Variants in GTPBP6 observed in about 807,000 individuals in gnomAD.
GTPBP6 encodes the protein putative GTP-binding protein 6.
Under a neutral mutation model 28.9 loss-of-function variants are expected in GTPBP6, and 33 were observed. The observed-to-expected ratio is 1.14, with a 90% CI of 0.87 to 1.53. The LOEUF is 1.53. Ranked by LOEUF, GTPBP6 falls within the 40% of genes most tolerant of loss-of-function variation. The pLI is 0.00. For synonymous variants in GTPBP6, 231 were observed against 192.7 expected (o/e 1.20, Z -1.65); for missense variants, 507 against 408.3 (o/e 1.24, Z -2.08).
intron 7 of GTPBP6, among the ~76,000 whole-genome samples, chrX:310,866 G>A (rs187704305): frequency 1.4e-4 from 21 of 152,126 alleles, no homozygotes; most frequent in Middle Eastern, 3.4e-3. Flanking sequence ...CCAGGGTCTC[G>A]GTGTTCATCG....
At chrX:317,116 G>T in intron 1 of GTPBP6, 65 bp from the exon 2 acceptor site, 1 of 393,448 alleles carries the variant, frequency 2.5e-6, no homozygotes. Context: ...ACACCTGCCC[G>T]GGGAGGCCTC....
chrX:307,071 G>C (rs1267148561), intron 9 of GTPBP6, among the ~76,000 whole-genome samples: 1 of 151,446 alleles, frequency 6.6e-6, no homozygotes, highest in Non-Finnish European at 1.5e-5. Flanking sequence ...GCACAGATTA[G>C]GCACCCGTTG....
chrX:314,555 C>T (rs1319417312), intron 4 of GTPBP6, among the ~76,000 whole-genome samples: 1 of 151,950 alleles, frequency 6.6e-6, no homozygotes, highest in African/African-American at 2.4e-5. Flanking sequence ...TCACTGCAAG[C>T]TCCACCTCTG....
intron 9 of GTPBP6, among the ~76,000 whole-genome samples, chrX:306,184 T>C (rs1278315631): frequency 1.3e-5 from 2 of 152,120 alleles, no homozygotes; most frequent in Non-Finnish European, 2.9e-5. Context: ...TAGGCACCTG[T>C]TGTATGCAGT....
rs1452780990 is a variant in GTPBP6, at chrX:309,995, T to A, written c.1125+1424A>T. Among the ~76,000 whole-genome samples, 64 of 135,022 alleles carry A rather than the reference T, an allele frequency of 4.7e-4. 1 individual carries two copies. The highest frequency in any genetic ancestry group is 1.9e-3 in the African/African-American group (61 of 32,626). 88.6% of individuals were successfully genotyped at this position (135,022 alleles called of 152,430 possible). ...CAGACAGAGGCAGAGACTGGAGTGA[T>A]GCGGCCACAAGCCCAGGGACGCCTG... On this transcript the variant is annotated intron_variant, in intron 7 of 9. Transcript: ENST00000326153.
rs7191247 is a variant in GTPBP6, at chrX:314,697, C to A, written c.689+193G>T. Among the ~76,000 whole-genome samples, 4 of 151,976 alleles carry A rather than the reference C, an allele frequency of 2.6e-5. 1 individual carries two copies. Among genetic ancestry groups the A allele is most frequent in the African/African-American group, 9.7e-5 (4 of 41,446 alleles). ...TTCACCGTGTTGGCCAGGATGGTCT[C>A]GATCTCGTGACCTCGTGATCCGCCC... is the stretch of plus-strand genomic sequence containing the variant. On this transcript the variant is annotated intron_variant, in intron 4 of 9. Transcript: ENST00000326153.
intron 7 of GTPBP6, among the ~76,000 whole-genome samples, chrX:309,008 A>T (rs2070230727): frequency 6.6e-6 from 1 of 152,152 alleles, no homozygotes; most frequent in Non-Finnish European, 1.5e-5. Flanking sequence ...TGCAGGCGTG[A>T]GCCACCACAC....
chrX:312,693 T>G (rs775222225), intron 6 of GTPBP6, 73 bp downstream of exon 6: 2 of 1,453,580 alleles, frequency 1.4e-6, no homozygotes, highest in Non-Finnish European at 1.9e-6. Flanking sequence ...AGGGACCCCC[T>G]GCCCTCCCCC....
intron 9 of GTPBP6, among the ~76,000 whole-genome samples, chrX:306,769 G>T (rs28407364): frequency 1.4e-5 from 2 of 146,810 alleles, no homozygotes; most frequent in South Asian, 4.4e-4. Flanking sequence ...CTGTTGTATG[G>T]TCAGAAATGT....
chrX:315,870 T>C (rs1282484659), intron 2 of GTPBP6, among the ~76,000 whole-genome samples: 301 of 1,872 alleles, frequency 0.16, 140 homozygotes, highest in African/African-American at 0.38. Flanking sequence ...CACATACACA[T>C]GCAGACACAC....
chrX:309,956 AGAG>A, intron 7 of GTPBP6, among the ~76,000 whole-genome samples: 1 of 142,216 alleles, frequency 7.0e-6, no homozygotes, highest in Non-Finnish European at 1.5e-5. Context: ...ACACAGACAC[AGAG>A]AAGAAGGCCA....
chrX:316,850 A>C, intron 2 of GTPBP6, 64 bp downstream of exon 2: 1 of 398,696 alleles, frequency 2.5e-6, no homozygotes. Context: ...TCTCGGTTGG[A>C]TGTTTTCGGT....
At chrX:317,955 G>A (rs2070471495) in intron 1 of GTPBP6, among the ~76,000 whole-genome samples, 1 of 61,388 alleles carries the variant, frequency 1.6e-5, no homozygotes, top group Admixed American at 2.2e-4. Context: ...CCCCGCCCCC[G>A]CATCACCATC....
chrX:308,022 G>C (rs975887875), intron 7 of GTPBP6, 142 bp from the exon 8 acceptor site: 2 of 643,494 alleles, frequency 3.1e-6, no homozygotes, highest in African/African-American at 3.8e-5. Flanking sequence ...AGGCCCCTCG[G>C]ACACCCCAGG....
At position 312,845 on chromosome X, in the gene GTPBP6, G is replaced by A. The variant is rs769257361; in HGVS notation, c.837C>T (p.Arg279=). 29 of 1,612,886 alleles carry A rather than the reference G, an allele frequency of 1.8e-5. No individual in the cohort carries two copies. The South Asian group carries it at 3.0e-4, about 16-fold the overall frequency. Reference sequence around the variant, plus strand: ...GCCGGCGGAGCAGGTGCCTCTTCTTGCGAAGCCTGTCCAAGGCCTTCCTGA... The same window carrying A: ...GCCGGCGGAGCAGGTGCCTCTTCTTACGAAGCCTGTCCAAGGCCTTCCTGA... The change falls in exon 6 of 10, where the codon CGC becomes CGT. Residue 279 remains arginine, a synonymous_variant. Coordinates refer to ENST00000326153, the Ensembl canonical transcript of GTPBP6.
chrX:316,905 CG>C lies in GTPBP6; in HGVS notation c.487+8del, dbSNP rs1204091185. 5.0e-6 allele frequency: 2 copies of C among 398,512 alleles called. No individual in the cohort carries two copies. The highest frequency in any genetic ancestry group is 4.1e-5 in the African/African-American group (2 of 48,612). 24.7% of individuals were successfully genotyped at this position (398,512 alleles called of 1,614,324 possible). A position where few individuals can be genotyped will look rare whatever the true frequency, so the allele number is the denominator to read the frequency against. ...GGTTTGGGGAAGGAGCAGGTCTGGA[CG>C]GACCCACCTGTCAGGTGCTCAAAGT... On this transcript the variant is annotated splice_region_variant and intron_variant, in intron 2 of 9. Coordinates refer to ENST00000326153, the Ensembl canonical transcript of GTPBP6.
intron 1 of GTPBP6, among the ~76,000 whole-genome samples, 161 bp downstream of exon 1, chrX:318,276 CTA>C (rs1430545967): frequency 1.3e-5 from 2 of 151,358 alleles, no homozygotes; most frequent in African/African-American, 4.8e-5. Flanking sequence ...GCGCCTCCAC[CTA>C]TGAGATTCTC....
At chrX:309,122 G>A (rs995892912) in intron 7 of GTPBP6, among the ~76,000 whole-genome samples, 2 of 152,142 alleles carry the variant, frequency 1.3e-5, no homozygotes, top group Non-Finnish European at 2.9e-5. Context: ...TCCGTTCTTT[G>A]GGACATTTGC....
Position 314,255 on chromosome X carries a change from G to A in GTPBP6, c.690-38C>T, listed in dbSNP as rs372885238. Reference sequence around the variant, plus strand: ...CGGGAGTGGCTCGGTCTCTGCGGACGCTGTCTCCCTCCCGGCAGAGGTCGA... The same window carrying A: ...CGGGAGTGGCTCGGTCTCTGCGGACACTGTCTCCCTCCCGGCAGAGGTCGA... On this transcript the variant is annotated intron_variant, in intron 4 of 9. Coordinates refer to ENST00000326153, the Ensembl canonical transcript of GTPBP6. 621 of 1,534,014 alleles carry A rather than the reference G, an allele frequency of 4.0e-4. 1 individual carries two copies. The highest frequency in any genetic ancestry group is 5.1e-4 in the Non-Finnish European group (569 of 1,108,008).
Sources: allele counts gnomAD v4.1 joint callset (sites outside exome capture counted in the v4.1 genomes callset), GRCh38; gene constraint gnomAD v4.1.1; transcripts MANE v1.5; gene names NCBI Gene and HGNC (gene_info 2026-07-23, HGNC 2026-07-21).